The following PPM1N variants were observed in gnomAD, a reference collection of about 807,000 sequenced individuals.
PPM1N encodes protein phosphatase, Mg2+/Mn2+ dependent 1N (putative).
In PPM1N, 35 loss-of-function variants were observed where a neutral mutation model predicts 32.6. That is an observed-to-expected ratio of 1.07 (90% CI 0.82 to 1.43). PPM1N has a LOEUF of 1.43. Among genes scored for constraint, PPM1N ranks in the 40% most tolerant of loss-of-function variants. The probability of loss-of-function intolerance (pLI) is 0.00; values close to 1 mark genes in which losing one functional copy is unlikely to be tolerated. For synonymous variants in PPM1N, 275 were observed against 270.5 expected (o/e 1.02, Z -0.16); for missense variants, 648 against 606.6 (o/e 1.07, Z -0.72).
At chr19:45,500,786 A>C in intron 4 of PPM1N, 76 bp downstream of exon 4, 1 of 1,154,988 alleles carries the variant, frequency 8.7e-7, no homozygotes, top group Non-Finnish European at 1.3e-6. Flanking sequence ...TGACAGGGAA[A>C]TTGAAGCCAG....
intron 4 of PPM1N, among the ~76,000 whole-genome samples, chr19:45,501,111 C>T (rs1480436917): frequency 1.3e-5 from 2 of 152,148 alleles, no homozygotes; most frequent in Non-Finnish European, 2.9e-5. Flanking sequence ...ACTGTGATTC[C>T]CCTCCAAGAA....
chr19:45,499,851 A>ATAAG (rs1968382250), intron 1 of PPM1N, 98 bp from the exon 2 acceptor site: 1 of 1,517,290 alleles, frequency 6.6e-7, no homozygotes, highest in Admixed American at 2.1e-5. Flanking sequence ...AGAAATGGGC[A>ATAAG]TAAGTAGAAT....
In PPM1N at chr19:45,500,570, G is replaced by A. The variant is rs1446358661; in HGVS notation, c.1163+9G>A. The A allele has an allele frequency of 1.2e-6, 2 of 1,602,222 alleles. No homozygotes were observed. Among genetic ancestry groups the A allele is most frequent in the East Asian group, 2.2e-5 (1 of 44,586 alleles). ...GGAGGGCTGGACTGCAAGTGAGTTG[G>A]GGTGAGGAAGGGTGGGGTGGAATGA... On this transcript the variant is annotated intron_variant, in intron 3 of 4. Coordinates refer to ENST00000451287, the MANE Select transcript of PPM1N (RefSeq NM_001080401.2).
intron 2 of PPM1N, 114 bp from the exon 3 acceptor site, chr19:45,500,342 C>T: frequency 2.1e-6 from 2 of 946,098 alleles, no homozygotes; most frequent in Non-Finnish European, 3.2e-6. Context: ...ACGATGTTGT[C>T]CAGGCTGGTC....
Position 45,498,989 on chromosome 19 carries a change from C to A in PPM1N, c.517C>A (p.Arg173=). 3 of 1,564,130 alleles carry A rather than the reference C, an allele frequency of 1.9e-6. No individual in the cohort carries two copies. Among genetic ancestry groups the A allele is most frequent in the South Asian group, 1.2e-5 (1 of 86,866 alleles). ...CTAVVLLVSP[R]FLYLAHCGDS... is the part of the protein sequence containing the mutation. ...GGCCGTGGTGTTGCTGGTCTCCCCGCGGTTTCTGTACCTGGCGCACTGCGG... is the reference window on the plus strand; with the variant it reads ...GGCCGTGGTGTTGCTGGTCTCCCCGAGGTTTCTGTACCTGGCGCACTGCGG... Residue 173 remains arginine, a synonymous_variant, in exon 1 of 5, where the codon CGG becomes AGG. Transcript: ENST00000451287.
Position 45,500,678 on chromosome 19 carries a change from C to G in PPM1N, c.1192C>G (p.Gln398Glu). ...CACTGTCATTGCTGAAGTTTATTCTCAGATCTGCCAGGTCTCAGAAGAGTG... is the reference window on the plus strand; with the variant it reads ...CACTGTCATTGCTGAAGTTTATTCTGAGATCTGCCAGGTCTCAGAAGAGTG... Reference protein sequence around the residue: ...KATVIAEVYSQICQVSEECGE... With the variant: ...KATVIAEVYSEICQVSEECGE... The change falls in exon 4 of 5, where the codon CAG becomes GAG. Residue 398 changes from glutamine (Q) to glutamate (E), a missense_variant. By Grantham distance (29) the Gln-to-Glu change is conservative. Coordinates refer to ENST00000451287, the MANE Select transcript of PPM1N (RefSeq NM_001080401.2). The G allele has an allele frequency of 6.2e-7, 1 of 1,604,270 alleles. No individual in the cohort carries two copies. Among genetic ancestry groups the G allele is most frequent in the South Asian group, 1.1e-5 (1 of 88,730 alleles).
In PPM1N at chr19:45,498,536, G is replaced by C. The variant is rs894927524; in HGVS notation, c.64G>C (p.Glu22Gln). 1 of 1,437,086 alleles carries C rather than the reference G, an allele frequency of 7.0e-7. No individual in the cohort carries two copies. The allele number at this position is 1,437,086 out of a possible 1,614,324, so 89.0% of individuals were successfully genotyped here. A position where few individuals can be genotyped will look rare whatever the true frequency, so the allele number is the denominator to read the frequency against. The change falls in exon 1 of 5, where the codon GAG (glutamate) becomes CAG (glutamine). Residue 22 changes from glutamate to glutamine, a missense_variant. By Grantham distance (29) the Glu-to-Gln change is conservative. Transcript: ENST00000451287. The stretch of plus-strand genomic sequence containing the variant: ...GACCGCTTGCAAGAAAAAGGAGAGG[G>C]AGAAGGAGGGGAGGGAGGAAGAGGA... ...LWTACKKKEREKEGREEEEEE... is the reference protein window; with the variant it reads ...LWTACKKKERQKEGREEEEEE...
rs769485671 is a variant in PPM1N at position 45,498,759 on chromosome 19, G to A, written c.287G>A (p.Trp96Ter). The A allele has an allele frequency of 8.3e-6, 13 of 1,559,310 alleles. No homozygotes were observed. The highest frequency in any genetic ancestry group is 2.8e-5 in the African/African-American group (2 of 71,482). The change falls in exon 1 of 5, where the codon TGG becomes TAG. Residue 96 changes from tryptophan (W) to a stop codon, truncating the protein, a stop_gained. Transcript: ENST00000451287. LOFTEE classifies it high-confidence loss of function. The part of the protein sequence containing the change: ...WLSLPGLPPG[W>*]ALFAVLDGHG... ...TCGTTACCTGGTCTGCCCCCGGGCT[G>A]GGCCTTGTTTGCCGTCCTCGACGGC...
intron 3 of PPM1N, 22 bp downstream of exon 3, chr19:45,500,583 T>A (rs1463623331): frequency 2.0e-6 from 3 of 1,494,038 alleles, no homozygotes; most frequent in Non-Finnish European, 2.8e-6. Flanking sequence ...TGAGGAAGGG[T>A]GGGGTGGAAT....
At position 45,498,701 on chromosome 19, in the gene PPM1N, G is replaced by C; in HGVS notation, c.229G>C (p.Ala77Pro). The C allele has an allele frequency of 6.7e-7, 1 of 1,496,054 alleles. No homozygotes were observed. Among genetic ancestry groups the C allele is most frequent in the East Asian group, 2.8e-5 (1 of 35,532 alleles). The allele number at this position is 1,496,054 out of a possible 1,614,324, so 92.7% of individuals were successfully genotyped here. The part of the protein sequence containing the change: ...FGASAAQGWR[A>P]RMEDAHCTWL... ...GGCGAGCGCAGCGCAAGGCTGGCGC[G>C]CGCGCATGGAGGATGCTCACTGCAC... Residue 77 changes from alanine (A) to proline (P), a missense_variant, in exon 1 of 5, where the codon GCG (alanine) becomes CCG (proline). Transcript: ENST00000451287.
chr19:45,499,268 G>A lies in PPM1N; in HGVS notation c.796G>A (p.Asp266Asn), dbSNP rs765810755. Residue 266 changes from aspartate to asparagine, a missense_variant, in exon 1 of 5, where the codon GAC becomes AAC. Transcript: ENST00000451287. ...EVAALARQAE[D>N]EFMLLASDGV... ...GGCCGCACTGGCACGCCAGGCTGAG[G>A]ACGAGTTCATGCTCCTGGCCTCTGA... 2 of 1,611,544 alleles carry A rather than the reference G, an allele frequency of 1.2e-6. No homozygotes were observed. The highest frequency in any genetic ancestry group is 1.3e-5 in the African/African-American group (1 of 74,996).
At chr19:45,499,720 G>T (rs757187627) in intron 1 of PPM1N, 1 of 1,543,534 alleles carries the variant, frequency 6.5e-7, no homozygotes, top group Non-Finnish European at 8.7e-7. Context: ...GAAGGTGGAA[G>T]AGCAGGTAAA....
At chr19:45,499,724 A>G (rs1170804785) in intron 1 of PPM1N, 1 of 1,542,918 alleles carries the variant, frequency 6.5e-7, no homozygotes, top group Non-Finnish European at 8.7e-7. Flanking sequence ...GTGGAAGAGC[A>G]GGTAAACATC....
intron 4 of PPM1N, among the ~76,000 whole-genome samples, chr19:45,501,690 G>A (rs565244338): frequency 1.3e-5 from 2 of 152,196 alleles, no homozygotes; most frequent in South Asian, 4.1e-4. Flanking sequence ...TTACCTTTCA[G>A]GGTCTCCTCC....
chr19:45,500,471 C>T lies in PPM1N; in HGVS notation c.1073C>T (p.Ala358Val). The change falls in exon 3 of 5, where the codon GCT (alanine) becomes GTT (valine). Residue 358 changes from alanine to valine, a missense_variant. Coordinates refer to ENST00000451287, the MANE Select transcript of PPM1N (RefSeq NM_001080401.2). ...TCTTTCTCAGAACTGTGTGCCTCTG[C>T]TCAGAAGCCCCCCAGCCTGAACACA... is the stretch of plus-strand genomic sequence containing the variant. ...GCRIAELCAS[A>V]QKPPSLNTVF... 5 of 1,609,008 alleles carry T rather than the reference C, an allele frequency of 3.1e-6. No homozygotes were observed. The highest frequency in any genetic ancestry group is 4.2e-6 in the Non-Finnish European group (5 of 1,177,646).
chr19:45,502,235 C>G lies in PPM1N; in HGVS notation c.*150C>G, dbSNP rs753123824. ...ATGCTTATTTCTTCTTCTCTTACTTCCCTCTCACAGAAAAGTCTTACGAAT... is the reference window on the plus strand; with the variant it reads ...ATGCTTATTTCTTCTTCTCTTACTTGCCTCTCACAGAAAAGTCTTACGAAT... On this transcript the variant is annotated 3_prime_UTR_variant, in exon 5 of 5. Transcript: ENST00000451287. The G allele has an allele frequency of 2.0e-5, 12 of 591,778 alleles. 1 individual carries two copies. The South Asian group carries it at 2.1e-4, about 10-fold the overall frequency. 36.7% of individuals were successfully genotyped at this position (591,778 alleles called of 1,614,324 possible).
Position 45,498,740 on chromosome 19 carries a change from C to T in PPM1N, c.268C>T (p.Pro90Ser). Residue 90 changes from proline (P) to serine (S), a missense_variant, in exon 1 of 5, where the codon CCT becomes TCT. Physicochemically the swap from Pro to Ser is moderately conservative, Grantham distance 74. Coordinates refer to ENST00000451287, the MANE Select transcript of PPM1N (RefSeq NM_001080401.2). ...TGCTCACTGCACTTGGCTTTCGTTACCTGGTCTGCCCCCGGGCTGGGCCTT... is the reference window on the plus strand; with the variant it reads ...TGCTCACTGCACTTGGCTTTCGTTATCTGGTCTGCCCCCGGGCTGGGCCTT... ...EDAHCTWLSL[P>S]GLPPGWALFA... 6.4e-7 allele frequency: 1 copy of T among 1,553,466 alleles called. No homozygotes were observed. The highest frequency in any genetic ancestry group is 8.7e-7 in the Non-Finnish European group (1 of 1,154,154).
chr19:45,498,715 T>C lies in PPM1N; in HGVS notation c.243T>C (p.Asp81=), dbSNP rs1968349483. The part of the protein sequence containing the change: ...AAQGWRARME[D]AHCTWLSLPG... ...AAGGCTGGCGCGCGCGCATGGAGGATGCTCACTGCACTTGGCTTTCGTTAC... is the reference window on the plus strand; with the variant it reads ...AAGGCTGGCGCGCGCGCATGGAGGACGCTCACTGCACTTGGCTTTCGTTAC... Residue 81 remains aspartate (D), a synonymous_variant, in exon 1 of 5, where the codon GAT becomes GAC. Transcript: ENST00000451287. 1 of 1,528,566 alleles carries C rather than the reference T, an allele frequency of 6.5e-7. No individual in the cohort carries two copies. Among genetic ancestry groups the C allele is most frequent in the Non-Finnish European group, 8.8e-7 (1 of 1,141,792 alleles). 94.7% of individuals were successfully genotyped at this position (1,528,566 alleles called of 1,614,324 possible).
At position 45,498,599 on chromosome 19, in the gene PPM1N, C is replaced by T. The variant is rs1318528441; in HGVS notation, c.127C>T (p.Arg43Trp). The change falls in exon 1 of 5, where the codon CGG (arginine) becomes TGG (tryptophan). Residue 43 changes from arginine (R) to tryptophan (W), a missense_variant. Physicochemically the swap from Arg to Trp is moderately radical, Grantham distance 101 (BLOSUM62 -3). Coordinates refer to ENST00000451287, the MANE Select transcript of PPM1N (RefSeq NM_001080401.2). ...GGGGCGCAGGGCCCCCGAAGGGCCT[C>T]GGTCTCTGTTGACAGCGCCGCGCCG... The part of the protein sequence containing the change: ...EAGRRAPEGP[R>W]SLLTAPRRAQ... The T allele has an allele frequency of 4.8e-6, 7 of 1,453,988 alleles. No individual in the cohort carries two copies. Among genetic ancestry groups the T allele is most frequent in the African/African-American group, 3.0e-5 (2 of 67,166 alleles). 90.1% of individuals were successfully genotyped at this position (1,453,988 alleles called of 1,614,324 possible). A position where few individuals can be genotyped will look rare whatever the true frequency, so the allele number is the denominator to read the frequency against.
Sources: allele counts gnomAD v4.1 joint callset (sites outside exome capture counted in the v4.1 genomes callset), GRCh38; gene constraint gnomAD v4.1.1; transcripts MANE v1.5; gene names NCBI Gene and HGNC (gene_info 2026-07-23, HGNC 2026-07-21).